SORCS3: variants seen among roughly 807,000 people sequenced by gnomAD.
SORCS3 encodes the protein sortilin related VPS10 domain containing receptor 3.
SORCS3 carries 57 observed loss-of-function variants against 146.3 expected under a neutral mutation model. That is an observed-to-expected ratio of 0.39 (90% confidence interval 0.31 to 0.49). SORCS3 has a LOEUF of 0.49. Ranked by LOEUF, SORCS3 falls within the 20% of genes least tolerant of loss-of-function variation. The pLI is 0.92. For missense variants in SORCS3, 1,341 were observed against 1,575.5 expected, an observed-to-expected ratio of 0.85 and a Z score of 2.52; for synonymous variants, 653 against 618.5, an observed-to-expected ratio of 1.06 and a Z score of -0.83.
chr10:104,877,122 A>G (rs1439804012), intron 2 of SORCS3, among the ~76,000 whole-genome samples: 1 of 152,014 alleles, frequency 6.6e-6, no homozygotes, highest in African/African-American at 2.4e-5. Context: ...AAGTGTTGAG[A>G]TTACAACTGT....
intron 14 of SORCS3, among the ~76,000 whole-genome samples, chr10:105,189,909 A>G (rs184151949): frequency 8.9e-4 from 135 of 152,222 alleles, no homozygotes; most frequent in Non-Finnish European, 1.7e-3. Context: ...ATAATTCTTC[A>G]TGCAGTAGAT....
intron 1 of SORCS3, among the ~76,000 whole-genome samples, chr10:104,696,560 AATATACGTATATAATATATAATATATATT>A (rs1488054339): frequency 8.6e-5 from 1 of 11,642 alleles, no homozygotes; most frequent in Non-Finnish European, 2.0e-4. Context: ...TAGAATATAT[AATATACGTATATAATATATAATATATATT>A]ATATACGTAT....
chr10:105,157,079 TC>T lies in SORCS3; in HGVS notation c.1483-57del, dbSNP rs1241222611. ...ATTCTGCGGCTTCTCTAAGGGCTTCTCCAAGACCAAAGGCATGTTGGCCCAG... is the reference window on the plus strand; with the variant it reads ...ATTCTGCGGCTTCTCTAAGGGCTTCTCAAGACCAAAGGCATGTTGGCCCAG... On this transcript the variant is annotated intron_variant, in intron 9 of 26. Transcript: ENST00000369701. The T allele has an allele frequency of 1.9e-6, 3 of 1,595,528 alleles. No homozygotes were observed. In the Admixed American group the frequency reaches 5.1e-5, roughly 27 times the overall value.
intron 2 of SORCS3, among the ~76,000 whole-genome samples, chr10:104,858,811 C>T (rs567716653): frequency 5.7e-4 from 87 of 151,426 alleles, no homozygotes; most frequent in Non-Finnish European, 1.1e-3. Context: ...TTAGTAGAGA[C>T]GGGGTTTTTC....
chr10:104,676,043 C>A (rs892947383), intron 1 of SORCS3, among the ~76,000 whole-genome samples: 3 of 152,134 alleles, frequency 2.0e-5, no homozygotes, highest in African/African-American at 7.2e-5. Flanking sequence ...GATTTATTCC[C>A]AGGGATCTGA....
intron 2 of SORCS3, among the ~76,000 whole-genome samples, chr10:104,885,462 C>T (rs747929265): frequency 3.9e-5 from 6 of 152,062 alleles, no homozygotes; most frequent in East Asian, 3.9e-4. Context: ...TGTGGCAATA[C>T]GGTATTAAGT....
At chr10:104,769,243 A>G (rs952011452) in intron 1 of SORCS3, among the ~76,000 whole-genome samples, 10 of 152,142 alleles carry the variant, frequency 6.6e-5, no homozygotes, top group African/African-American at 2.2e-4. Context: ...GGGGCTCTAG[A>G]CTGCTGCATG....
At chr10:104,704,151 C>T (rs1442980065) in intron 1 of SORCS3, among the ~76,000 whole-genome samples, 2 of 148,570 alleles carry the variant, frequency 1.3e-5, no homozygotes. Flanking sequence ...GATAGCTCAT[C>T]CAAGTTTCCT....
Position 104,641,305 on chromosome 10 carries a change from C to T in SORCS3, c.-23C>T, listed in dbSNP as rs1408719162. 1 of 1,275,218 alleles carries T rather than the reference C, an allele frequency of 7.8e-7. No individual in the cohort carries two copies. Among genetic ancestry groups the T allele is most frequent in the Non-Finnish European group, 9.9e-7 (1 of 1,014,042 alleles). 79.0% of individuals were successfully genotyped at this position (1,275,218 alleles called of 1,614,324 possible). On this transcript the variant is annotated 5_prime_UTR_variant, in exon 1 of 27. Transcript: ENST00000369701. The surrounding 1 kb of genome is among the most constrained non-coding windows in gnomAD (Gnocchi z 6.4). ...GGCGGGCGCCACACACTCGGCAGCCCGAGCCGCGGTAGCCGCAGCGGGATG... is the reference window on the plus strand; with the variant it reads ...GGCGGGCGCCACACACTCGGCAGCCTGAGCCGCGGTAGCCGCAGCGGGATG...
chr10:104,856,303 C>A (rs1030060271), intron 2 of SORCS3, among the ~76,000 whole-genome samples: 4 of 149,880 alleles, frequency 2.7e-5, no homozygotes, highest in Non-Finnish European at 5.9e-5. Flanking sequence ...ATATATATAT[C>A]ATCAATTAGA....
intron 14 of SORCS3, among the ~76,000 whole-genome samples, chr10:105,190,703 A>G (rs967994971): frequency 6.6e-6 from 1 of 152,196 alleles, no homozygotes; most frequent in African/African-American, 2.4e-5. Context: ...TGCCTGGCCT[A>G]GTAATATTAA....
At chr10:105,186,610 C>T (rs12259174) in intron 14 of SORCS3, among the ~76,000 whole-genome samples, 36,424 of 151,886 alleles carry the variant, frequency 0.24, 4,335 homozygotes, top group South Asian at 0.31. Context: ...TAACCGGGTG[C>T]GGTGGCTCAC....
chr10:105,210,085 G>A (rs752886796), intron 16 of SORCS3, among the ~76,000 whole-genome samples: 17 of 151,916 alleles, frequency 1.1e-4, no homozygotes, highest in Non-Finnish European at 2.4e-4. Flanking sequence ...TAAATTTTTA[G>A]TCCCCTCTCC....
chr10:105,173,259 C>G (rs1262900419), intron 13 of SORCS3, among the ~76,000 whole-genome samples: 1 of 151,956 alleles, frequency 6.6e-6, no homozygotes, highest in Non-Finnish European at 1.5e-5. Flanking sequence ...TTGCAGTGAG[C>G]CGAGATCGAC....
chr10:104,650,766 G>C (rs957789899), intron 1 of SORCS3, among the ~76,000 whole-genome samples: 3 of 152,206 alleles, frequency 2.0e-5, no homozygotes, highest in Admixed American at 2.0e-4. Flanking sequence ...TGTCTGGCCT[G>C]CTGTTGCTGG....
chr10:105,108,446 G>A (rs57112499), intron 7 of SORCS3, among the ~76,000 whole-genome samples: 17,183 of 152,162 alleles, frequency 0.11, 1,064 homozygotes, highest in East Asian at 0.17. Context: ...CAGTATATTG[G>A]TGGCATTTCT....
intron 5 of SORCS3, among the ~76,000 whole-genome samples, chr10:105,047,088 C>T (rs2055377923): frequency 6.6e-6 from 1 of 152,052 alleles, no homozygotes; most frequent in Non-Finnish European, 1.5e-5. Context: ...TAGTATTCCA[C>T]TCTTCCCTTG....
chr10:104,998,634 C>G (rs1035241702), intron 4 of SORCS3, among the ~76,000 whole-genome samples: 1 of 152,122 alleles, frequency 6.6e-6, no homozygotes, highest in African/African-American at 2.4e-5. Context: ...CTGAAGTCAT[C>G]TGCTAAGATT....
At chr10:104,975,909 T>G (rs1405224796) in intron 3 of SORCS3, among the ~76,000 whole-genome samples, 1 of 152,198 alleles carries the variant, frequency 6.6e-6, no homozygotes, top group Non-Finnish European at 1.5e-5. Context: ...CAAAAATTAA[T>G]TCAAGATGGA....
Sources: gnomAD v4.1 joint callset for allele counts (sites outside exome capture counted in the v4.1 genomes callset) on GRCh38, gnomAD v4.1.1 for gene constraint, Gnocchi (gnomAD v3.1) non-coding constraint, MANE v1.5 for transcripts, NCBI Gene and HGNC (gene_info 2026-07-23, HGNC 2026-07-21) for gene names.